Variants in DLG2 observed in about 807,000 individuals in gnomAD.
DLG2 encodes disks large homolog 2.
A neutral mutation model predicts 132.5 loss-of-function variants in DLG2; 45 were observed. That is an observed-to-expected ratio of 0.34 (90% CI 0.27 to 0.44). The LOEUF is 0.44. DLG2 is among the 20% of genes least tolerant of loss of function. The pLI is 1.00. For missense variants in DLG2, 1,045 were observed against 1,196.9 expected (o/e 0.87, Z 1.87); for synonymous variants, 424 against 419.6 (o/e 1.01, Z -0.13).
intron 6 of DLG2, among the ~76,000 whole-genome samples, chr11:84,873,028 T>C (rs549422987): frequency 2.6e-5 from 4 of 152,336 alleles, no homozygotes; most frequent in South Asian, 4.1e-4. Context: ...GACAGAATAA[T>C]AGCCCTTTCA....
chr11:83,886,625 C>T (rs1355780672), intron 15 of DLG2, among the ~76,000 whole-genome samples: 1 of 151,668 alleles, frequency 6.6e-6, no homozygotes, highest in East Asian at 1.9e-4. Context: ...AACTCTCCAC[C>T]CCAAATCAAC....
At chr11:83,833,194 T>A (rs1369006196) in intron 17 of DLG2, among the ~76,000 whole-genome samples, 6 of 152,086 alleles carry the variant, frequency 3.9e-5, no homozygotes, top group Non-Finnish European at 7.4e-5. Context: ...TCCCAGCACT[T>A]TGGGAGGCTG....
rs143724193 is a variant in DLG2, at chr11:83,935,345, A to T, written c.1341-4862T>A. ...TCCAGTCCTGGGCTAATAGCTCTTA[A>T]GGGTGGGATTTTGGGAAGCCCTAAA... On this transcript the variant is annotated intron_variant, in intron 14 of 27. Transcript: ENST00000376104. Among the ~76,000 whole-genome samples, 10 of 152,318 alleles carry T rather than the reference A, an allele frequency of 6.6e-5. No individual in the cohort carries two copies. The East Asian group carries it at 1.9e-3, about 29-fold the overall frequency.
chr11:85,166,308 T>C (rs2078439076), intron 4 of DLG2, among the ~76,000 whole-genome samples: 1 of 152,214 alleles, frequency 6.6e-6, no homozygotes. Flanking sequence ...ATCTAGGCTT[T>C]AGGAAGACAT....
At position 84,990,645 on chromosome 11, in the gene DLG2, C is replaced by T. The variant is rs140303398; in HGVS notation, c.357+121016G>A. Among the ~76,000 whole-genome samples, 60 of 137,954 alleles carry T rather than the reference C, an allele frequency of 4.3e-4. 2 individuals carry two copies. The highest frequency in any genetic ancestry group is 1.4e-3 in the African/African-American group (54 of 37,282). 90.5% of individuals were successfully genotyped at this position (137,954 alleles called of 152,430 possible). On this transcript the variant is annotated intron_variant, in intron 6 of 27. Coordinates refer to ENST00000376104, the MANE Select transcript of DLG2 (RefSeq NM_001142699.3). Reference sequence around the variant, plus strand: ...CCCTTAGAGAAATGCAAATTAAAACCATGATGAGATACCACCACATACCTA... The same window carrying T: ...CCCTTAGAGAAATGCAAATTAAAACTATGATGAGATACCACCACATACCTA...
At position 84,362,267 on chromosome 11, in the gene DLG2, C is replaced by T. The variant is rs1012933746; in HGVS notation, c.520-110976G>A. 1.2e-4 allele frequency among the ~76,000 whole-genome samples: 18 copies of T among 152,044 alleles called. No homozygotes were observed. In the South Asian group the frequency reaches 2.9e-3, roughly 24 times the overall value. ...TACTCAGAATCTACTAAAAGTTACT[C>T]CTTGAAAGAGTAAATGCCTTCATAA... On this transcript the variant is annotated intron_variant, in intron 7 of 27. Coordinates refer to ENST00000376104, the MANE Select transcript of DLG2 (RefSeq NM_001142699.3).
At chr11:84,743,249 A>G (rs1283327653) in intron 6 of DLG2, among the ~76,000 whole-genome samples, 1 of 152,150 alleles carries the variant, frequency 6.6e-6, no homozygotes, top group Non-Finnish European at 1.5e-5. Flanking sequence ...TATTCCTAAA[A>G]ACTCCCAGGA....
At chr11:85,600,669 G>A (rs570078431) in intron 2 of DLG2, among the ~76,000 whole-genome samples, 3 of 152,148 alleles carry the variant, frequency 2.0e-5, no homozygotes, top group African/African-American at 7.2e-5. Flanking sequence ...CAACATATAT[G>A]TGGTTTGATT....
intron 22 of DLG2, among the ~76,000 whole-genome samples, chr11:83,482,047 A>AGTTT (rs1268236997): frequency 6.6e-6 from 1 of 152,098 alleles, no homozygotes; most frequent in Non-Finnish European, 1.5e-5. Flanking sequence ...ATAATGCTGA[A>AGTTT]ATCAATATTT....
At chr11:83,979,613 A>G (rs1419139182) in intron 12 of DLG2, among the ~76,000 whole-genome samples, 4 of 152,188 alleles carry the variant, frequency 2.6e-5, no homozygotes, top group Non-Finnish European at 1.5e-5. Context: ...GTCAATGTCA[A>G]TCACTGCCTA....
intron 6 of DLG2, among the ~76,000 whole-genome samples, chr11:85,098,560 T>C (rs1328245843): frequency 6.6e-6 from 1 of 152,172 alleles, no homozygotes; most frequent in Non-Finnish European, 1.5e-5. Flanking sequence ...AACTTTTTAA[T>C]GTAAATGCCA....
At chr11:83,775,146 A>G (rs1368712813) in intron 18 of DLG2, among the ~76,000 whole-genome samples, 1 of 152,186 alleles carries the variant, frequency 6.6e-6, no homozygotes, top group Non-Finnish European at 1.5e-5. Context: ...TAAACTCTCC[A>G]ACTCCACCAG....
intron 6 of DLG2, among the ~76,000 whole-genome samples, chr11:84,940,851 A>G (rs957504417): frequency 8.5e-5 from 13 of 152,150 alleles, no homozygotes; most frequent in African/African-American, 2.7e-4. Flanking sequence ...CAGTAGTTTC[A>G]TATTTTCTGG....
intron 10 of DLG2, among the ~76,000 whole-genome samples, chr11:84,081,868 G>A (rs568887572): frequency 2.0e-5 from 3 of 152,252 alleles, no homozygotes; most frequent in Admixed American, 1.3e-4. Flanking sequence ...GGTATTTCTA[G>A]TTCTAGTTCC....
intron 7 of DLG2, among the ~76,000 whole-genome samples, chr11:84,262,883 T>C (rs896172030): frequency 6.6e-6 from 1 of 152,198 alleles, no homozygotes; most frequent in Non-Finnish European, 1.5e-5. Context: ...CTGCATAGTG[T>C]TCCTATTTTT....
intron 9 of DLG2, among the ~76,000 whole-genome samples, chr11:84,139,483 C>A (rs78723335): frequency 0.019 from 2,836 of 151,604 alleles, 73 homozygotes; most frequent in African/African-American, 0.064. Flanking sequence ...ACATGAATAG[C>A]AATTGGACTA....
chr11:83,811,938 G>A lies in DLG2; in HGVS notation c.1722+21676C>T, dbSNP rs188845034. Among the ~76,000 whole-genome samples, 4 of 152,202 alleles carry A rather than the reference G, an allele frequency of 2.6e-5. No homozygotes were observed. The East Asian group carries it at 7.7e-4, about 29-fold the overall frequency. The stretch of plus-strand genomic sequence containing the variant: ...CTGAGGACTGGGAGTGTGTAGAAGT[G>A]TGAGAGAAAAATGTGGGAGAAGTGT... On this transcript the variant is annotated intron_variant, in intron 17 of 27. Transcript: ENST00000376104.
chr11:83,614,576 A>G (rs927031899), intron 19 of DLG2, among the ~76,000 whole-genome samples: 1 of 152,062 alleles, frequency 6.6e-6, no homozygotes, highest in Non-Finnish European at 1.5e-5. Flanking sequence ...AAAATTAGCC[A>G]AGCCTGGTGG....
chr11:83,621,936 A>T (rs901085528), intron 19 of DLG2, among the ~76,000 whole-genome samples: 4 of 152,074 alleles, frequency 2.6e-5, no homozygotes, highest in Admixed American at 6.6e-5. Flanking sequence ...ATTGATTGAG[A>T]CAGAGTCTTG....
Sources: gnomAD v4.1 joint callset for allele counts (sites outside exome capture counted in the v4.1 genomes callset) on GRCh38, gnomAD v4.1.1 for gene constraint, MANE v1.5 for transcripts, NCBI Gene and HGNC (gene_info 2026-07-23, HGNC 2026-07-21) for gene names.